Variants in ADAMTSL1 observed in about 807,000 individuals in gnomAD.
ADAMTSL1 encodes the protein ADAMTS like 1, also known as ADAMTS-like protein 1.
ADAMTSL1 carries 126 observed loss-of-function variants against 201.8 expected under a neutral mutation model. The observed-to-expected ratio is 0.62, with a 90% CI of 0.54 to 0.72. The LOEUF is 0.72. Ranked by LOEUF, ADAMTSL1 falls within the 30% of genes least tolerant of loss-of-function variation. The probability of loss-of-function intolerance (pLI) is 0.00; values close to 1 mark genes in which losing one functional copy is unlikely to be tolerated. For synonymous variants in ADAMTSL1, 1,121 were observed against 903.4 expected (o/e 1.24, Z -4.32); for missense variants, 2,679 against 2,277.8 (o/e 1.18, Z -3.59).
chr9:18,058,283 T>TG (rs1421562169), intron 1 of ADAMTSL1, among the ~76,000 whole-genome samples: 2 of 152,226 alleles, frequency 1.3e-5, no homozygotes, highest in African/African-American at 4.8e-5. Context: ...GAGAGTGTTC[T>TG]GCCAGATGCT....
intron 2 of ADAMTSL1, among the ~76,000 whole-genome samples, chr9:18,468,441 T>C (rs1378653849): frequency 6.6e-6 from 1 of 152,190 alleles, no homozygotes; most frequent in Non-Finnish European, 1.5e-5. Context: ...ACATGTCCAG[T>C]GGCTACTTCT....
chr9:18,678,444 T>C (rs1009931349), intron 10 of ADAMTSL1, among the ~76,000 whole-genome samples: 1 of 152,188 alleles, frequency 6.6e-6, no homozygotes, highest in Admixed American at 6.5e-5. Flanking sequence ...ATGATAATTT[T>C]CTACGCATAG....
chr9:18,628,079 G>A (rs1218772203), intron 5 of ADAMTSL1, among the ~76,000 whole-genome samples: 4 of 152,102 alleles, frequency 2.6e-5, no homozygotes, highest in East Asian at 3.8e-4. Context: ...ATCTTTCACA[G>A]AGCAAAAGCT....
chr9:18,100,395 C>G (rs1214338061), intron 1 of ADAMTSL1, among the ~76,000 whole-genome samples: 1 of 152,166 alleles, frequency 6.6e-6, no homozygotes, highest in African/African-American at 2.4e-5. Flanking sequence ...ATTCTCCTGC[C>G]TCAGCCTCCA....
At chr9:18,136,958 A>G (rs1826183775) in intron 1 of ADAMTSL1, among the ~76,000 whole-genome samples, 2 of 152,192 alleles carry the variant, frequency 1.3e-5, no homozygotes, top group Admixed American at 1.3e-4. Flanking sequence ...TTAAGGTGAA[A>G]CAGGACAAGG....
intron 3 of ADAMTSL1, among the ~76,000 whole-genome samples, chr9:18,538,062 A>G (rs1226318333): frequency 1.3e-5 from 2 of 152,028 alleles, no homozygotes; most frequent in Non-Finnish European, 2.9e-5. Context: ...GGAGAGTAGA[A>G]TGGGACTTAT....
intron 1 of ADAMTSL1, among the ~76,000 whole-genome samples, chr9:18,038,613 G>T (rs747639370): frequency 6.6e-5 from 10 of 152,164 alleles, no homozygotes; most frequent in Non-Finnish European, 1.3e-4. Context: ...GGAAAACAGA[G>T]AAATCAGCTA....
At chr9:18,294,670 C>T (rs1833403346) in intron 2 of ADAMTSL1, among the ~76,000 whole-genome samples, 1 of 152,184 alleles carries the variant, frequency 6.6e-6, no homozygotes, top group Non-Finnish European at 1.5e-5. Flanking sequence ...AGCTCTCAGT[C>T]TTCAGACTCC....
chr9:18,652,504 A>G (rs1828356942), intron 7 of ADAMTSL1, among the ~76,000 whole-genome samples: 1 of 152,196 alleles, frequency 6.6e-6, no homozygotes, highest in Non-Finnish European at 1.5e-5. Flanking sequence ...TTTTGGTGAA[A>G]CAGCAATATG....
chr9:18,387,989 A>G (rs746564544), intron 2 of ADAMTSL1, among the ~76,000 whole-genome samples: 1 of 128,822 alleles, frequency 7.8e-6, no homozygotes, highest in African/African-American at 2.5e-5. Flanking sequence ...TACCTTTCTG[A>G]TGAGGAATTT....
intron 2 of ADAMTSL1, among the ~76,000 whole-genome samples, chr9:18,261,014 T>C (rs1424499602): frequency 1.7e-3 from 100 of 58,574 alleles, no homozygotes; most frequent in African/African-American, 4.7e-3. Flanking sequence ...TCCTTTTTCT[T>C]TTTTTTTTTT....
chr9:18,679,724 C>G (rs529555673), intron 10 of ADAMTSL1, among the ~76,000 whole-genome samples: 1 of 152,004 alleles, frequency 6.6e-6, no homozygotes, highest in Non-Finnish European at 1.5e-5. Context: ...AATGATAGCA[C>G]AGTTTGAACA....
At position 18,256,808 on chromosome 9, in the gene ADAMTSL1, A is replaced by G. The variant is rs542947996; in HGVS notation, c.207+92827A>G. On this transcript the variant is annotated intron_variant, in intron 2 of 29. Coordinates refer to the ADAMTSL1 transcript ENST00000680146. ...GCTCTGATAGTGACATCTCCCTGTCAGCACTGCCTGTTCCTTGGGAATGTT... is the reference window on the plus strand; with the variant it reads ...GCTCTGATAGTGACATCTCCCTGTCGGCACTGCCTGTTCCTTGGGAATGTT... 3.9e-5 allele frequency among the ~76,000 whole-genome samples: 6 copies of G among 152,348 alleles called. No homozygotes were observed. The East Asian group carries it at 9.7e-4, about 25-fold the overall frequency.
chr9:18,786,361 G>A (rs895954263), intron 19 of ADAMTSL1, among the ~76,000 whole-genome samples: 6 of 152,182 alleles, frequency 3.9e-5, no homozygotes, highest in Non-Finnish European at 8.8e-5. Context: ...GGCAGCCCAC[G>A]GTGGTAGGAG....
chr9:18,124,326 C>T (rs1040106574), intron 1 of ADAMTSL1, among the ~76,000 whole-genome samples: 1 of 151,920 alleles, frequency 6.6e-6, no homozygotes, highest in Non-Finnish European at 1.5e-5. Context: ...CGTGATCTGC[C>T]CTCTTCAGCC....
intron 1 of ADAMTSL1, among the ~76,000 whole-genome samples, chr9:18,157,307 A>C (rs1266034399): frequency 6.6e-6 from 1 of 152,006 alleles, no homozygotes; most frequent in African/African-American, 2.4e-5. Flanking sequence ...AGTTTTATTA[A>C]TAGTTTTTAA....
At chr9:18,315,530 T>C (rs1406222734) in intron 2 of ADAMTSL1, among the ~76,000 whole-genome samples, 1 of 152,082 alleles carries the variant, frequency 6.6e-6, no homozygotes, top group Non-Finnish European at 1.5e-5. Context: ...GAGCGTGGCA[T>C]GGGTGGGCCG....
chr9:18,386,398 A>G (rs1003522073), intron 2 of ADAMTSL1, among the ~76,000 whole-genome samples: 4 of 152,170 alleles, frequency 2.6e-5, no homozygotes, highest in Admixed American at 2.6e-4. Context: ...ATTAGGGACT[A>G]TATCACATTA....
rs376802021 is a variant in ADAMTSL1, at chr9:18,905,790, G to A, written c.4860G>A (p.Gly1620=). The A allele has an allele frequency of 4.2e-5, 67 of 1,612,662 alleles. No individual in the cohort carries two copies. The highest frequency in any genetic ancestry group is 5.3e-5 in the Non-Finnish European group (62 of 1,179,368). Residue 1620 remains glycine (G), a synonymous_variant, in exon 27 of 29, where the codon GGG becomes GGA. Transcript: ENST00000380548. ...WAFSSWGQCN[G]PCIGPHLAVQ... ...CTTTTTCTGCTTTCCAGTGCAATGG[G>A]CCTTGCATCGGGCCTCACCTAGCTG...
Sources: gnomAD v4.1 joint callset for allele counts (sites outside exome capture counted in the v4.1 genomes callset) on GRCh38, gnomAD v4.1.1 for gene constraint, MANE v1.5 for transcripts, NCBI Gene and HGNC (gene_info 2026-07-23, HGNC 2026-07-21) for gene names.